The following FAM184B variants were observed in gnomAD, a reference collection of about 807,000 sequenced individuals.
FAM184B encodes family with sequence similarity 184 member B.
In FAM184B, 111 loss-of-function variants were observed where a neutral mutation model predicts 135.9. The ratio of observed to expected loss-of-function variants is 0.82; its 90% confidence interval spans 0.70 to 0.96. FAM184B has a LOEUF of 0.96. FAM184B is among the 40% of genes least tolerant of loss of function. The probability of loss-of-function intolerance (pLI) is 0.00; values close to 1 mark genes in which losing one functional copy is unlikely to be tolerated. For synonymous variants in FAM184B, 552 were observed against 524.8 expected (o/e 1.05, Z -0.71); for missense variants, 1,375 against 1,323.9 (o/e 1.04, Z -0.60).
intron 1 of FAM184B, among the ~76,000 whole-genome samples, chr4:17,739,555 G>GTTTTTTTTTGTTTTTTTTTTTTTT (rs1553841417): frequency 3.8e-4 from 24 of 62,510 alleles, no homozygotes; most frequent in African/African-American, 1.4e-3. Flanking sequence ...CATACCAACT[G>GTTTTTTTTTGTTTTTTTTTTTTTT]TTTTTTTTTT....
intron 14 of FAM184B, 131 bp downstream of exon 14, chr4:17,639,119 C>T (rs1715232758): frequency 2.3e-6 from 2 of 888,606 alleles, no homozygotes; most frequent in Non-Finnish European, 3.4e-6. Context: ...AGGCATGAGC[C>T]ACCGTGCCTG....
Position 17,629,970 on chromosome 4 carries a change from T to C in FAM184B, c.*2562A>G, listed in dbSNP as rs1292597239. 1 of 152,202 alleles carries C rather than the reference T, an allele frequency of 6.6e-6. No homozygotes were observed. The highest frequency in any genetic ancestry group is 2.4e-5 in the African/African-American group (1 of 41,466). 9.4% of individuals were successfully genotyped at this position (152,202 alleles called of 1,614,324 possible). A position where few individuals can be genotyped will look rare whatever the true frequency, so the allele number is the denominator to read the frequency against. On this transcript the variant is annotated 3_prime_UTR_variant, in exon 18 of 18. Transcript: ENST00000265018. ...GGCATATGGCCTCAATAAAAAATTA[T>C]GGAAGCATGCAAAGATTTTGTTAAC...
At chr4:17,714,806 G>T (rs1717370141) in intron 1 of FAM184B, among the ~76,000 whole-genome samples, 1 of 152,086 alleles carries the variant, frequency 6.6e-6, no homozygotes, top group Non-Finnish European at 1.5e-5. Context: ...TAGCAGAGAG[G>T]GTACCACATG....
chr4:17,650,630 G>A (rs1214611106), intron 11 of FAM184B, among the ~76,000 whole-genome samples: 4 of 152,166 alleles, frequency 2.6e-5, no homozygotes, highest in Non-Finnish European at 4.4e-5. Context: ...GGGGAGCCTT[G>A]GACCTGAGCC....
chr4:17,636,676 C>T, intron 14 of FAM184B, 31 bp from the exon 15 acceptor site: 1 of 1,487,388 alleles, frequency 6.7e-7, no homozygotes. Flanking sequence ...GTCAAGTCCC[C>T]CTTACAGCAA....
chr4:17,660,314 GCCTGATAGCTGTTTAGCAGGAACCA>G (rs57703576), intron 8 of FAM184B, among the ~76,000 whole-genome samples: 1,564 of 152,036 alleles, frequency 0.01, 24 homozygotes, highest in African/African-American at 0.035. Context: ...AGCAGGAACC[GCCTGATAGCTGTTTAGCAGGAACCA>G]CCTGATATCT....
intron 1 of FAM184B, among the ~76,000 whole-genome samples, chr4:17,714,983 C>A (rs1196372547): frequency 6.6e-6 from 1 of 152,162 alleles, no homozygotes; most frequent in African/African-American, 2.4e-5. Flanking sequence ...CTCCCCTCCC[C>A]TTCCCCTCAC....
chr4:17,768,149 T>C (rs945639661), intron 1 of FAM184B, among the ~76,000 whole-genome samples: 10 of 152,246 alleles, frequency 6.6e-5, no homozygotes, highest in South Asian at 2.1e-4. Flanking sequence ...TTTTTCTTTT[T>C]TTCTGTTTTC....
intron 1 of FAM184B, among the ~76,000 whole-genome samples, chr4:17,759,333 T>G (rs1718490715): frequency 6.6e-6 from 1 of 152,146 alleles, no homozygotes; most frequent in South Asian, 2.1e-4. Context: ...CTTTTCCTGC[T>G]CTGGCTATGA....
Position 17,633,756 on chromosome 4 carries a change from C to T in FAM184B, c.3022G>A (p.Asp1008Asn). The change falls in exon 17 of 18, where the codon GAC becomes AAC. Residue 1008 changes from aspartate (D) to asparagine (N), a missense_variant. Transcript: ENST00000265018. ...APPITTSPSL[D>N]PSPSCGRTYK... is the part of the protein sequence containing the mutation. ...GTCCGGCCACAGCTGGGGCTTGGGT[C>T]CAAGCTGGGTGATGTAGTTATTGGA... The T allele has an allele frequency of 3.2e-6, 5 of 1,551,118 alleles. No individual in the cohort carries two copies. The highest frequency in any genetic ancestry group is 4.4e-6 in the Non-Finnish European group (5 of 1,146,768).
intron 7 of FAM184B, among the ~76,000 whole-genome samples, chr4:17,668,892 T>C (rs1390045969): frequency 1.3e-5 from 2 of 152,254 alleles, no homozygotes; most frequent in African/African-American, 4.8e-5. Context: ...TGCCAGGCAT[T>C]GTTCTAGGAA....
chr4:17,673,281 T>C (rs192174763), intron 7 of FAM184B, among the ~76,000 whole-genome samples: 178 of 152,168 alleles, frequency 1.2e-3, no homozygotes, highest in African/African-American at 3.7e-3. Context: ...TTGGTATAGA[T>C]GCAATGAACA....
intron 16 of FAM184B, among the ~76,000 whole-genome samples, chr4:17,634,618 C>T (rs57455805): frequency 0.024 from 3,643 of 152,242 alleles, 137 homozygotes; most frequent in African/African-American, 0.083. Context: ...GCCATTGCAC[C>T]CAGCCAAAAA....
intron 1 of FAM184B, among the ~76,000 whole-genome samples, chr4:17,766,060 T>C (rs767317044): frequency 2.0e-5 from 3 of 152,164 alleles, no homozygotes; most frequent in Non-Finnish European, 2.9e-5. Context: ...ATAAAGGAAG[T>C]GCAGGCCCAA....
intron 1 of FAM184B, among the ~76,000 whole-genome samples, chr4:17,739,861 T>C (rs1205494754): frequency 6.6e-6 from 1 of 152,012 alleles, no homozygotes; most frequent in Non-Finnish European, 1.5e-5. Flanking sequence ...CACCCTGTCA[T>C]ACCAACTTTT....
Position 17,781,124 on chromosome 4 carries a change from C to A in FAM184B, c.141+35G>T, listed in dbSNP as rs376864024. ...TGACTCCCGGCTCGGGCGCCCCGGG[C>A]GTGCAGCTCGCTGGCCCGCTGCGCC... is the stretch of plus-strand genomic sequence containing the variant. On this transcript the variant is annotated intron_variant, in intron 1 of 17. Coordinates refer to ENST00000265018, the MANE Select transcript of FAM184B (RefSeq NM_015688.2). This position sits in a 1 kb window ranked among gnomAD's most constrained non-coding sequence, Gnocchi z 6.5. 2.0e-6 allele frequency: 3 copies of A among 1,481,652 alleles called. No homozygotes were observed. Among genetic ancestry groups the A allele is most frequent in the Non-Finnish European group, 9.0e-7 (1 of 1,113,186 alleles). 91.8% of individuals were successfully genotyped at this position (1,481,652 alleles called of 1,614,324 possible). A position where few individuals can be genotyped will look rare whatever the true frequency, so the allele number is the denominator to read the frequency against.
At chr4:17,778,843 A>G (rs967794229) in intron 1 of FAM184B, among the ~76,000 whole-genome samples, 2 of 152,336 alleles carry the variant, frequency 1.3e-5, no homozygotes, top group Admixed American at 1.3e-4. Flanking sequence ...TGGGTAACAG[A>G]GCAAGACCCT....
At chr4:17,722,443 G>A (rs769443475) in intron 1 of FAM184B, among the ~76,000 whole-genome samples, 1 of 152,190 alleles carries the variant, frequency 6.6e-6, no homozygotes, top group Non-Finnish European at 1.5e-5. Context: ...AGCTTGGAAT[G>A]GATTTCTAGA....
intron 8 of FAM184B, 90 bp from the exon 9 acceptor site, chr4:17,660,177 G>C: frequency 6.9e-7 from 1 of 1,459,062 alleles, no homozygotes; most frequent in Non-Finnish European, 9.2e-7. Context: ...CTGTGCCTGG[G>C]AGGAGAAAGC....
Sources: gnomAD v4.1 joint callset for allele counts (sites outside exome capture counted in the v4.1 genomes callset) on GRCh38, gnomAD v4.1.1 for gene constraint, Gnocchi (gnomAD v3.1) non-coding constraint, MANE v1.5 for transcripts, NCBI Gene and HGNC (gene_info 2026-07-23, HGNC 2026-07-21) for gene names.